Variants in CCDC40 observed in about 807,000 individuals in gnomAD.
CCDC40 encodes the protein coiled-coil domain-containing protein 40.
A neutral mutation model predicts 124.5 loss-of-function variants in CCDC40; 104 were observed. That is an observed-to-expected ratio of 0.84 (90% CI 0.71 to 0.98). CCDC40 has a LOEUF of 0.98. Ranked by LOEUF, CCDC40 falls within the 50% of genes least tolerant of loss-of-function variation. The pLI is 0.00. For synonymous variants in CCDC40, 580 were observed against 602.9 expected, an observed-to-expected ratio of 0.96 and a Z score of 0.56; for missense variants, 1,463 against 1,503.9, an observed-to-expected ratio of 0.97 and a Z score of 0.45.
intron 7 of CCDC40, among the ~76,000 whole-genome samples, chr17:80,056,471 T>G (rs978951206): frequency 1.3e-5 from 2 of 151,174 alleles, no homozygotes; most frequent in African/African-American, 4.9e-5. Flanking sequence ...AATACAAAAA[T>G]GAGAAATTGG....
chr17:80,042,045 A>G (rs1568669392), intron 3 of CCDC40, among the ~76,000 whole-genome samples: 1 of 152,174 alleles, frequency 6.6e-6, no homozygotes, highest in Non-Finnish European at 1.5e-5. Flanking sequence ...GATTCCAACC[A>G]GTTATTGAGG....
chr17:80,084,696 C>T, intron 12 of CCDC40, 47 bp from the exon 13 acceptor site: 1 of 1,610,920 alleles, frequency 6.2e-7, no homozygotes, highest in Non-Finnish European at 8.5e-7. Context: ...TCGTCCCGGG[C>T]CTTGGGTGGG....
intron 7 of CCDC40, among the ~76,000 whole-genome samples, chr17:80,051,853 C>T (rs1045007255): frequency 2.6e-5 from 4 of 152,236 alleles, no homozygotes; most frequent in Non-Finnish European, 5.9e-5. Context: ...GTGGAGCGCC[C>T]TCCGGCTCCC....
chr17:80,098,791 T>G (rs2038856384), intron 19 of CCDC40: 5 of 150,966 alleles, frequency 3.3e-5, no homozygotes, highest in Admixed American at 2.6e-4. Context: ...ATACAAATAT[T>G]AGCCAGGCAT....
intron 10 of CCDC40, among the ~76,000 whole-genome samples, chr17:80,071,432 G>A (rs2038184088): frequency 6.6e-6 from 1 of 152,194 alleles, no homozygotes; most frequent in South Asian, 2.1e-4. Context: ...GAGAGAACCC[G>A]GCCTTGACCA....
intron 3 of CCDC40, among the ~76,000 whole-genome samples, chr17:80,042,323 TTGGCCAGGC>T (rs1375126308): frequency 1.3e-5 from 2 of 152,180 alleles, no homozygotes; most frequent in Admixed American, 1.3e-4. Context: ...TTTCACCATG[TTGGCCAGGC>T]TGGTCTCGAA....
intron 2 of CCDC40, among the ~76,000 whole-genome samples, chr17:80,039,103 A>G (rs1343620869): frequency 6.6e-6 from 1 of 152,180 alleles, no homozygotes; most frequent in Non-Finnish European, 1.5e-5. Context: ...ATGGTGGCTC[A>G]CGCCTGTGGT....
intron 10 of CCDC40, among the ~76,000 whole-genome samples, chr17:80,080,477 A>G (rs994430716): frequency 6.6e-6 from 1 of 152,240 alleles, no homozygotes; most frequent in Non-Finnish European, 1.5e-5. Flanking sequence ...CAGGTATCTC[A>G]TCGCAGCATG....
intron 10 of CCDC40, 29 bp downstream of exon 10, chr17:80,065,635 G>A (rs754184587): frequency 1.2e-6 from 2 of 1,610,846 alleles, no homozygotes; most frequent in Admixed American, 3.3e-5. Context: ...CAGCGAGGAT[G>A]TGCGGGAACC....
chr17:80,094,656 C>T (rs1347650529), intron 17 of CCDC40, among the ~76,000 whole-genome samples: 2 of 152,016 alleles, frequency 1.3e-5, no homozygotes, highest in African/African-American at 4.8e-5. Flanking sequence ...GATGGCTCCA[C>T]TGCACTCCAG....
intron 5 of CCDC40, 21 bp from the exon 6 acceptor site, chr17:80,049,885 T>C: frequency 6.2e-7 from 1 of 1,608,684 alleles, no homozygotes; most frequent in Non-Finnish European, 8.5e-7. Context: ...GGTAACCACC[T>C]GTGGTTTTCC....
rs1213836538 is a variant in CCDC40, at chr17:80,081,787, C to A, written c.1804C>A (p.Leu602Met). ...DTEDALSQDQ[L>M]EQMILTEELQ... ...AGAGGATGCCCTCAGCCAGGACCAGCTGGTGAGGCCGGGCCCGCCCCACAG... is the reference window on the plus strand; with the variant it reads ...AGAGGATGCCCTCAGCCAGGACCAGATGGTGAGGCCGGGCCCGCCCCACAG... The change falls in exon 11 of 20, where the codon CTG (leucine) becomes ATG (methionine). Residue 602 changes from leucine to methionine, a missense_variant and splice_region_variant. Leu to Met is a conservative substitution (Grantham distance 15, BLOSUM62 2). Transcript: ENST00000397545. The A allele has an allele frequency of 1.2e-6, 2 of 1,613,872 alleles. No homozygotes were observed. The highest frequency in any genetic ancestry group is 1.7e-6 in the Non-Finnish European group (2 of 1,180,022).
intron 10 of CCDC40, among the ~76,000 whole-genome samples, chr17:80,081,156 G>T (rs974544456): frequency 6.6e-6 from 1 of 152,132 alleles, no homozygotes; most frequent in Non-Finnish European, 1.5e-5. Context: ...GCCAAGGCAG[G>T]CACATTGCTT....
intron 7 of CCDC40, among the ~76,000 whole-genome samples, chr17:80,057,268 A>T (rs1010313170): frequency 6.6e-6 from 1 of 151,644 alleles, no homozygotes; most frequent in Non-Finnish European, 1.5e-5. Context: ...TTGTATTTTG[A>T]GTAGAGACAG....
chr17:80,083,202 C>T (rs1296343461), intron 12 of CCDC40, among the ~76,000 whole-genome samples: 1 of 150,436 alleles, frequency 6.6e-6, no homozygotes, highest in Non-Finnish European at 1.5e-5. Context: ...GCCATAGCCC[C>T]TGCAGGGCAG....
At chr17:80,056,016 A>ATTTATATATTTTTTTTTTT (rs2037739060) in intron 7 of CCDC40, among the ~76,000 whole-genome samples, 1 of 10,258 alleles carries the variant, frequency 9.7e-5, no homozygotes, top group Non-Finnish European at 1.6e-4. Context: ...ATATATATAT[A>ATTTATATATTTTTTTTTTT]TTTTTTTTTT....
intron 10 of CCDC40, among the ~76,000 whole-genome samples, chr17:80,068,410 CAGAT>C (rs1226569836): frequency 6.6e-6 from 1 of 152,096 alleles, no homozygotes; most frequent in African/African-American, 2.4e-5. Flanking sequence ...TGTTTGCACC[CAGAT>C]AGATTTGAAG....
At chr17:80,069,055 C>T (rs2038123026) in intron 10 of CCDC40, among the ~76,000 whole-genome samples, 1 of 152,216 alleles carries the variant, frequency 6.6e-6, no homozygotes, top group African/African-American at 2.4e-5. Flanking sequence ...GCTGCTTTCT[C>T]CATTCCATTC....
chr17:80,056,591 G>A (rs1274448535), intron 7 of CCDC40, among the ~76,000 whole-genome samples: 1 of 152,144 alleles, frequency 6.6e-6, no homozygotes, highest in Non-Finnish European at 1.5e-5. Flanking sequence ...TCCAGCCTGG[G>A]TGACAAAGTG....
Sources: allele counts gnomAD v4.1 joint callset (sites outside exome capture counted in the v4.1 genomes callset), GRCh38; gene constraint gnomAD v4.1.1; transcripts MANE v1.5; gene names NCBI Gene and HGNC (gene_info 2026-07-23, HGNC 2026-07-21).